Variants in APBA1 observed in about 807,000 individuals in gnomAD.
The protein encoded by APBA1 is amyloid beta precursor protein binding family A member 1.
A neutral mutation model predicts 86.6 loss-of-function variants in APBA1; 55 were observed. The ratio of observed to expected loss-of-function variants is 0.64; its 90% CI spans 0.51 to 0.80. The LOEUF (loss-of-function observed/expected upper bound fraction) is 0.80. APBA1 is among the 30% of genes least tolerant of loss of function. The pLI, the probability that APBA1 is intolerant of heterozygous loss-of-function variation, is 0.00. For missense variants in APBA1, 1,090 were observed against 1,183.0 expected (o/e 0.92, Z 1.15); for synonymous variants, 511 against 493.9 (o/e 1.03, Z -0.46).
chr9:69,596,078 C>G, intron 1 of APBA1, among the ~76,000 whole-genome samples: 1 of 152,116 alleles, frequency 6.6e-6, no homozygotes, highest in East Asian at 1.9e-4. Flanking sequence ...ATCTTTAACT[C>G]TTTGGCTCAA....
intron 2 of APBA1, among the ~76,000 whole-genome samples, chr9:69,486,151 C>T (rs1383763576): frequency 1.3e-5 from 2 of 152,002 alleles, no homozygotes; most frequent in Admixed American, 1.3e-4. Context: ...GGGGTTTCAT[C>T]GTGTTGGCCA....
chr9:69,658,286 C>T (rs7031920), intron 1 of APBA1, among the ~76,000 whole-genome samples: 29,507 of 72,238 alleles, frequency 0.41, 6,069 homozygotes, highest in South Asian at 0.5. Context: ...CTTTCTTTCT[C>T]TCTCTCTTTC....
At chr9:69,539,417 T>C (rs1481608548) in intron 1 of APBA1, among the ~76,000 whole-genome samples, 3 of 152,234 alleles carry the variant, frequency 2.0e-5, no homozygotes, top group Non-Finnish European at 4.4e-5. Flanking sequence ...AATCCTTTTT[T>C]TCATACCCTA....
intron 2 of APBA1, among the ~76,000 whole-genome samples, chr9:69,481,936 G>T (rs1835517710): frequency 6.6e-6 from 1 of 151,482 alleles, no homozygotes; most frequent in Non-Finnish European, 1.5e-5. Flanking sequence ...AGCTGAAACT[G>T]GATCCCTTCC....
intron 1 of APBA1, among the ~76,000 whole-genome samples, chr9:69,517,993 C>T (rs1408790087): frequency 6.6e-6 from 1 of 152,128 alleles, no homozygotes; most frequent in African/African-American, 2.4e-5. Flanking sequence ...CACAGGGTTT[C>T]CCTAACTTGT....
intron 1 of APBA1, among the ~76,000 whole-genome samples, chr9:69,637,505 G>A (rs1405708154): frequency 6.6e-6 from 1 of 152,062 alleles, no homozygotes; most frequent in Admixed American, 6.6e-5. Context: ...ATACCACTAT[G>A]TACCCATAAA....
chr9:69,598,185 C>CA (rs1210586246), intron 1 of APBA1, among the ~76,000 whole-genome samples: 1 of 151,116 alleles, frequency 6.6e-6, no homozygotes, highest in Non-Finnish European at 1.5e-5. Context: ...ATCACAAGAA[C>CA]AAAAACCAAA....
chr9:69,623,035 T>G (rs1377635793), intron 1 of APBA1, among the ~76,000 whole-genome samples: 1 of 152,156 alleles, frequency 6.6e-6, no homozygotes, highest in Non-Finnish European at 1.5e-5. Flanking sequence ...CCAAAGACTG[T>G]CCAGGGGTCC....
chr9:69,606,107 A>G (rs2133978184), intron 1 of APBA1, among the ~76,000 whole-genome samples: 1 of 152,354 alleles, frequency 6.6e-6, no homozygotes, highest in East Asian at 1.9e-4. Context: ...TACCCAAATC[A>G]CTCTGAAAAG....
At chr9:69,626,832 C>T (rs557003129) in intron 1 of APBA1, among the ~76,000 whole-genome samples, 3 of 151,744 alleles carry the variant, frequency 2.0e-5, no homozygotes, top group African/African-American at 4.8e-5. Context: ...ATTTATTTAC[C>T]TACTAATGTC....
chr9:69,636,828 A>AGGGAGGGAGG (rs1452460180), intron 1 of APBA1, among the ~76,000 whole-genome samples: 82 of 7,122 alleles, frequency 0.012, 10 homozygotes, highest in South Asian at 0.028. Flanking sequence ...AGAGAGAGAG[A>AGGGAGGGAGG]GAGGGAGGGA....
intron 1 of APBA1, among the ~76,000 whole-genome samples, chr9:69,567,086 CTTA>C (rs1277976023): frequency 6.6e-6 from 1 of 152,066 alleles, no homozygotes; most frequent in African/African-American, 2.4e-5. Context: ...ACAATGATCA[CTTA>C]TTATAACAAA....
intron 1 of APBA1, among the ~76,000 whole-genome samples, chr9:69,585,409 T>C (rs1190722928): frequency 1.3e-5 from 2 of 152,000 alleles, no homozygotes; most frequent in African/African-American, 4.8e-5. Context: ...AGGAAAGGGG[T>C]GTGTGCCCGC....
At chr9:69,532,490 G>A (rs951141275) in intron 1 of APBA1, among the ~76,000 whole-genome samples, 3 of 152,204 alleles carry the variant, frequency 2.0e-5, no homozygotes, top group Admixed American at 6.5e-5. Flanking sequence ...ACATCTGTGT[G>A]TGTTAACTGC....
At chr9:69,562,854 T>G (rs2133940052) in intron 1 of APBA1, among the ~76,000 whole-genome samples, 1 of 152,180 alleles carries the variant, frequency 6.6e-6, no homozygotes, top group East Asian at 1.9e-4. Flanking sequence ...AAATATTGAT[T>G]TAAAAATAAG....
At chr9:69,663,689 C>T (rs1823793804) in intron 1 of APBA1, among the ~76,000 whole-genome samples, 1 of 152,118 alleles carries the variant, frequency 6.6e-6, no homozygotes, top group Non-Finnish European at 1.5e-5. Context: ...GCTGTATTTG[C>T]TGTATTTTTC....
intron 1 of APBA1, among the ~76,000 whole-genome samples, chr9:69,562,623 C>T (rs575754212): frequency 6.6e-6 from 1 of 152,244 alleles, no homozygotes; most frequent in South Asian, 2.1e-4. Context: ...GATCCTCCTG[C>T]CTCAGCTTCC....
At chr9:69,444,404 C>A (rs1294125406) in intron 10 of APBA1, among the ~76,000 whole-genome samples, 2 of 152,204 alleles carry the variant, frequency 1.3e-5, no homozygotes, top group Non-Finnish European at 2.9e-5. Context: ...AGGACCAGCA[C>A]AGCCTGGTGA....
chr9:69,599,089 T>C (rs575054941), intron 1 of APBA1, among the ~76,000 whole-genome samples: 11 of 152,264 alleles, frequency 7.2e-5, no homozygotes, highest in Admixed American at 2.0e-4. Flanking sequence ...GGGGAAGTTG[T>C]TTAACGAGTT....
Sources: gnomAD v4.1 joint callset for allele counts (sites outside exome capture counted in the v4.1 genomes callset) on GRCh38, gnomAD v4.1.1 for gene constraint, MANE v1.5 for transcripts, NCBI Gene and HGNC (gene_info 2026-07-23, HGNC 2026-07-21) for gene names.